The following PABPC4L variants were observed in gnomAD, a reference collection of about 807,000 sequenced individuals.
PABPC4L encodes polyadenylate-binding protein 4-like.
For missense variants in PABPC4L, 452 were observed against 451.4 expected (o/e 1.00, Z -0.01); for synonymous variants, 169 against 164.1 (o/e 1.03, Z -0.23).
At chr4:134,182,534 G>A in the PABPC4L span, among the ~76,000 whole-genome samples, 1 of 151,914 alleles carries the variant, frequency 6.6e-6, no homozygotes, top group African/African-American at 2.4e-5. Flanking sequence ...TCTGGACATA[G>A]GACCTAGCAA....
chr4:134,057,869 G>A, the PABPC4L span, among the ~76,000 whole-genome samples: 2 of 151,936 alleles, frequency 1.3e-5, no homozygotes, highest in Non-Finnish European at 2.9e-5. Flanking sequence ...AGGGATTCTA[G>A]TTATACAAAG....
At chr4:134,181,784 G>T in the PABPC4L span, among the ~76,000 whole-genome samples, 1 of 151,540 alleles carries the variant, frequency 6.6e-6, no homozygotes, top group Non-Finnish European at 1.5e-5. Flanking sequence ...GCCACAAAAA[G>T]AATAAAATAC....
the PABPC4L span, among the ~76,000 whole-genome samples, chr4:134,131,884 C>G: frequency 6.6e-6 from 1 of 151,834 alleles, no homozygotes; most frequent in Non-Finnish European, 1.5e-5. Context: ...AACAATGGAA[C>G]AGATTAAGGA....
At chr4:134,073,300 A>G in the PABPC4L span, among the ~76,000 whole-genome samples, 1 of 152,202 alleles carries the variant, frequency 6.6e-6, no homozygotes, top group African/African-American at 2.4e-5. Context: ...GGCCCCATGC[A>G]AGTCAAAAAT....
chr4:134,154,218 T>G, the PABPC4L span, among the ~76,000 whole-genome samples: 1 of 152,222 alleles, frequency 6.6e-6, no homozygotes. Flanking sequence ...CTTACCTATA[T>G]CCATATTTAG....
At chr4:134,072,870 ATG>A in the PABPC4L span, among the ~76,000 whole-genome samples, 1 of 152,124 alleles carries the variant, frequency 6.6e-6, no homozygotes, top group Non-Finnish European at 1.5e-5. Context: ...AACAGATTTC[ATG>A]AGAACTCACT....
At chr4:134,143,747 G>A in the PABPC4L span, among the ~76,000 whole-genome samples, 117 of 151,246 alleles carry the variant, frequency 7.7e-4, no homozygotes, top group African/African-American at 2.7e-3. Flanking sequence ...AACTTCAAAC[G>A]TTTTTAATAA....
At chr4:134,180,708 C>T in the PABPC4L span, among the ~76,000 whole-genome samples, 1 of 151,330 alleles carries the variant, frequency 6.6e-6, no homozygotes, top group South Asian at 2.1e-4. Context: ...GTACAGTTGA[C>T]CTTACAGAAA....
At chr4:134,012,999 C>T in the PABPC4L span, among the ~76,000 whole-genome samples, 1 of 152,098 alleles carries the variant, frequency 6.6e-6, no homozygotes, top group Non-Finnish European at 1.5e-5. Flanking sequence ...GCAGGGACAC[C>T]TCTCTGATTA....
At chr4:134,188,803 C>G in the PABPC4L span, among the ~76,000 whole-genome samples, 2 of 151,926 alleles carry the variant, frequency 1.3e-5, no homozygotes, top group Non-Finnish European at 2.9e-5. Context: ...TTTAATTATC[C>G]TGCTCAGTGC....
At chr4:134,112,713 G>GTA in the PABPC4L span, among the ~76,000 whole-genome samples, 98 of 151,860 alleles carry the variant, frequency 6.5e-4, no homozygotes, top group African/African-American at 2.3e-3. Flanking sequence ...GTATGTGCAT[G>GTA]TATATATATG....
chr4:134,158,624 ACTT>A, the PABPC4L span, among the ~76,000 whole-genome samples: 1 of 152,068 alleles, frequency 6.6e-6, no homozygotes, highest in Non-Finnish European at 1.5e-5. Context: ...AGTGACTTGA[ACTT>A]CTTGCCTGGA....
the PABPC4L span, among the ~76,000 whole-genome samples, chr4:134,139,928 T>G: frequency 6.6e-6 from 1 of 151,866 alleles, no homozygotes; most frequent in Non-Finnish European, 1.5e-5. Context: ...AGAAATTGTT[T>G]ATGGTGATGC....
chr4:134,062,936 T>C, the PABPC4L span, among the ~76,000 whole-genome samples: 2 of 152,142 alleles, frequency 1.3e-5, no homozygotes, highest in African/African-American at 4.8e-5. Context: ...CACCACAATG[T>C]TAATGCTTCA....
Position 134,200,015 on chromosome 4 carries a change from G to C in PABPC4L, c.1005C>G (p.Gly335=). ...MQEEGQSKGF[G]LICFSSPEDA... ...CCTCAGGAGAGGAGAAGCAGATCAA[G>C]CCAAACCCTTTGCTCTGCCCCTCTT... is the stretch of plus-strand genomic sequence containing the variant. Residue 335 remains glycine (G), a synonymous_variant, in exon 2 of 2, where the codon GGC becomes GGG. Transcript: ENST00000421491. 7 of 1,551,640 alleles carry C rather than the reference G, an allele frequency of 4.5e-6. No individual in the cohort carries two copies. Among genetic ancestry groups the C allele is most frequent in the Non-Finnish European group, 6.1e-6 (7 of 1,146,964 alleles).
At chr4:134,167,400 T>C in the PABPC4L span, among the ~76,000 whole-genome samples, 1 of 151,566 alleles carries the variant, frequency 6.6e-6, no homozygotes, top group African/African-American at 2.4e-5. Context: ...TATAATAAAA[T>C]AGAAAACAAA....
chr4:134,047,585 C>T, the PABPC4L span, among the ~76,000 whole-genome samples: 4 of 152,092 alleles, frequency 2.6e-5, no homozygotes, highest in African/African-American at 7.2e-5. Flanking sequence ...GAAGTTTATG[C>T]TCTCAGGGCT....
chr4:134,050,152 TA>T, the PABPC4L span, among the ~76,000 whole-genome samples: 5 of 152,094 alleles, frequency 3.3e-5, no homozygotes, highest in East Asian at 9.6e-4. Context: ...AACATTACAT[TA>T]AAAAATTTTT....
At chr4:134,180,570 C>T in the PABPC4L span, among the ~76,000 whole-genome samples, 1 of 151,518 alleles carries the variant, frequency 6.6e-6, no homozygotes, top group African/African-American at 2.4e-5. Context: ...AAAAATCATA[C>T]AAGAGATCAG....
Sources: allele counts gnomAD v4.1 joint callset (sites outside exome capture counted in the v4.1 genomes callset), GRCh38; gene constraint gnomAD v4.1.1; transcripts MANE v1.5; gene names NCBI Gene and HGNC (gene_info 2026-07-23, HGNC 2026-07-21).